Variants in DHX8 observed in about 807,000 individuals in gnomAD.
DHX8 encodes DEAH-box helicase 8, also known as ATP-dependent RNA helicase DHX8.
Under a neutral mutation model 140.7 loss-of-function variants are expected in DHX8, and 67 were observed. The ratio of observed to expected loss-of-function variants is 0.48; its 90% CI spans 0.39 to 0.58. The LOEUF (loss-of-function observed/expected upper bound fraction) is 0.58, where lower values mean the gene tolerates loss of function less well. DHX8 is among the 20% of genes least tolerant of loss of function. The pLI is 0.00. For synonymous variants in DHX8, 533 were observed against 553.2 expected (o/e 0.96, Z 0.51); for missense variants, 887 against 1,550.7 (o/e 0.57, Z 7.19).
chr17:43,532,664 AGTCT>A (rs764704828), intron 2 of DHX8: 1 of 1,605,134 alleles, frequency 6.2e-7, no homozygotes, highest in South Asian at 1.1e-5. Context: ...GCCCCACCCC[AGTCT>A]CTTACCTGAG....
chr17:43,527,162 C>T (rs553542440), downstream of DHX8, among the ~76,000 whole-genome samples: 1 of 152,274 alleles, frequency 6.6e-6, no homozygotes, highest in Admixed American at 6.5e-5. Flanking sequence ...CCATTTCTAC[C>T]TACCCCCAAA....
In DHX8 at chr17:43,542,022, G is replaced by A. The variant is rs150165936; in HGVS notation, c.*21-2140G>A. Among the ~76,000 whole-genome samples, 544 of 152,272 alleles carry A rather than the reference G, an allele frequency of 3.6e-3. 2 individuals carry two copies. Among genetic ancestry groups the A allele is most frequent in the African/African-American group, 0.011 (472 of 41,542 alleles). Reference sequence around the variant, plus strand: ...TCTTGCAGCAGCAAGACAGCACAGGGTGAAATGTGCCCTCCATGCATGCCC... The same window carrying A: ...TCTTGCAGCAGCAAGACAGCACAGGATGAAATGTGCCCTCCATGCATGCCC... On this transcript the variant is annotated intron_variant, in intron 3 of 3. Coordinates refer to the DHX8 transcript ENST00000589898.
chr17:43,512,402 A>AG (rs1969893536), intron 16 of DHX8, among the ~76,000 whole-genome samples: 1 of 150,844 alleles, frequency 6.6e-6, no homozygotes, highest in Non-Finnish European at 1.5e-5. Flanking sequence ...AAAAAAAAAA[A>AG]GGCAGATGGA....
downstream of DHX8, chr17:43,528,825 G>A (rs1333931258): frequency 2.7e-5 from 31 of 1,137,700 alleles, no homozygotes; most frequent in Admixed American, 1.8e-4. Flanking sequence ...GGGGAATGTG[G>A]CCCTTCTACC....
At chr17:43,525,927 C>T (rs914211385), downstream of DHX8, 3 of 985,228 alleles carry the variant, frequency 3.0e-6, no homozygotes, top group East Asian at 1.1e-4. Flanking sequence ...GTTGAATGGG[C>T]TAAGGATAAG....
intron 22 of DHX8, 108 bp downstream of exon 22, chr17:43,522,334 A>G: frequency 9.2e-7 from 1 of 1,084,592 alleles, no homozygotes. Context: ...ATGTCCTAGT[A>G]TAACACTGCT....
At chr17:43,537,420 G>A (rs765107691) in intron 3 of DHX8, among the ~76,000 whole-genome samples, 3 of 151,472 alleles carry the variant, frequency 2.0e-5, no homozygotes, top group South Asian at 2.1e-4. Flanking sequence ...GTGGCTGGGC[G>A]CAGTGGTTCA....
chr17:43,535,274 T>A (rs1971176332), intron 2 of DHX8, among the ~76,000 whole-genome samples: 1 of 145,128 alleles, frequency 6.9e-6, no homozygotes, highest in Admixed American at 6.8e-5. Context: ...GCAGGGTTTG[T>A]TTTTTGGTTT....
At chr17:43,533,165 G>A (rs200454454) in intron 2 of DHX8, 11 of 1,611,932 alleles carry the variant, frequency 6.8e-6, no homozygotes, top group African/African-American at 1.3e-5. Flanking sequence ...CCCATGAGCA[G>A]TGGGTTTCCC....
At position 43,492,689 on chromosome 17, in the gene DHX8, C is replaced by G; in HGVS notation, c.512C>G (p.Thr171Arg). ...KQRDAEHRDR[T>R]KKKKRSRSRD... Reference sequence around the variant, plus strand: ...GCTTATTGATTTGTTAGGGACAGGACAAAGAAGAAGAAGCGGAGTCGAAGC... The same window carrying G: ...GCTTATTGATTTGTTAGGGACAGGAGAAAGAAGAAGAAGCGGAGTCGAAGC... Residue 171 changes from threonine to arginine, a missense_variant, in exon 6 of 23, where the codon ACA (threonine) becomes AGA (arginine). Physicochemically the swap from Thr to Arg is moderately conservative, Grantham distance 71 (BLOSUM62 -1). This residue lies in a region of DHX8 where 304 missense variants were observed against 306.9 expected (regional missense o/e 0.99). Coordinates refer to ENST00000262415, the MANE Select transcript of DHX8 (RefSeq NM_004941.3). The G allele has an allele frequency of 6.4e-7, 1 of 1,555,942 alleles. No individual in the cohort carries two copies. Among genetic ancestry groups the G allele is most frequent in the Non-Finnish European group, 8.9e-7 (1 of 1,127,152 alleles).
At chr17:43,528,820 A>G (rs766208975), downstream of DHX8, 114 of 1,193,952 alleles carry the variant, frequency 9.5e-5, no homozygotes, top group Non-Finnish European at 1.4e-4. Flanking sequence ...GGAGTGGGGA[A>G]TGTGGCCCTT....
At chr17:43,539,239 C>T (rs1294878919) in intron 3 of DHX8, among the ~76,000 whole-genome samples, 3 of 152,206 alleles carry the variant, frequency 2.0e-5, no homozygotes, top group African/African-American at 7.2e-5. Flanking sequence ...TGTGAATCTG[C>T]AGCACTCTGG....
At chr17:43,533,923 C>T in intron 2 of DHX8, 1 of 1,585,574 alleles carries the variant, frequency 6.3e-7, no homozygotes, top group Non-Finnish European at 8.5e-7. Flanking sequence ...CAGGACAGGG[C>T]CGGGTCTGTG....
chr17:43,521,276 T>G, intron 20 of DHX8, 93 bp from the exon 21 acceptor site: 1 of 1,090,532 alleles, frequency 9.2e-7, no homozygotes, highest in Non-Finnish European at 1.3e-6. Flanking sequence ...TGTGGACACT[T>G]TTGATAGGGT....
In DHX8 at chr17:43,508,343, T is replaced by C; in HGVS notation, c.2325T>C (p.Asp775=). The change falls in exon 16 of 23, where the codon GAT becomes GAC. Residue 775 remains aspartate, a synonymous_variant. Coordinates refer to ENST00000262415, the MANE Select transcript of DHX8 (RefSeq NM_004941.3). The part of the protein sequence containing the change: ...MQIHLTEPPG[D]ILVFLTGQEE... ...AATGTTCTATTCTGCTCGTAGGTGA[T>C]ATCCTGGTCTTCCTGACTGGTCAGG... 6.2e-7 allele frequency: 1 copy of C among 1,612,048 alleles called. No individual in the cohort carries two copies. Among genetic ancestry groups the C allele is most frequent in the Non-Finnish European group, 8.5e-7 (1 of 1,178,734 alleles).
chr17:43,530,254 A>G (rs945409013), downstream of DHX8: 110 of 1,541,150 alleles, frequency 7.1e-5, no homozygotes, highest in Middle Eastern at 1.7e-4. Context: ...AGGAAGTCCT[A>G]TCCACATTCA....
intron 20 of DHX8, 30 bp downstream of exon 20, chr17:43,520,909 G>C: frequency 6.3e-7 from 1 of 1,588,800 alleles, no homozygotes; most frequent in South Asian, 1.2e-5. Flanking sequence ...GTTTAGATGG[G>C]GGTGCCATGA....
downstream of DHX8, chr17:43,529,174 G>A (rs1169479787): frequency 1.9e-6 from 3 of 1,614,034 alleles, no homozygotes; most frequent in Non-Finnish European, 2.5e-6. Context: ...ATCGGAGCGA[G>A]CGGCTCAGCT....
chr17:43,505,004 C>T (rs560401755), intron 12 of DHX8, among the ~76,000 whole-genome samples, 179 bp downstream of exon 12: 79 of 151,976 alleles, frequency 5.2e-4, no homozygotes, highest in Admixed American at 1.1e-3. Flanking sequence ...GGGCTGGGCG[C>T]GGTAGTGGAT....
Sources: allele counts gnomAD v4.1 joint callset (sites outside exome capture counted in the v4.1 genomes callset), GRCh38; gene constraint gnomAD v4.1.1; regional missense constraint gnomAD v4.1.1; transcripts MANE v1.5; gene names NCBI Gene and HGNC (gene_info 2026-07-23, HGNC 2026-07-21).